Variants in CNTN5 observed in about 807,000 individuals in gnomAD.
CNTN5 encodes contactin 5.
In CNTN5, 77 loss-of-function variants were observed where a neutral mutation model predicts 129.1. That is an observed-to-expected ratio of 0.60 (90% CI 0.50 to 0.72). The LOEUF (loss-of-function observed/expected upper bound fraction) is 0.72. CNTN5 is among the 30% of genes least tolerant of loss of function. CNTN5 has a pLI of 0.00. For missense variants in CNTN5, 1,478 were observed against 1,328.8 expected (o/e 1.11, Z -1.75); for synonymous variants, 509 against 465.6 (o/e 1.09, Z -1.20).
intron 13 of CNTN5, among the ~76,000 whole-genome samples, chr11:100,168,450 G>T (rs1177407982): frequency 1.3e-5 from 2 of 151,928 alleles, no homozygotes; most frequent in Non-Finnish European, 2.9e-5. Context: ...GGGCTCTTGA[G>T]AATTATGCTA....
intron 13 of CNTN5, among the ~76,000 whole-genome samples, chr11:100,175,326 G>C (rs1222744737): frequency 2.0e-5 from 3 of 152,016 alleles, no homozygotes; most frequent in African/African-American, 4.8e-5. Context: ...CTAGGTCTTT[G>C]TAAGTGTTAA....
At chr11:99,254,168 TG>T (rs1186089858) in intron 1 of CNTN5, among the ~76,000 whole-genome samples, 3 of 151,830 alleles carry the variant, frequency 2.0e-5, no homozygotes, top group Non-Finnish European at 2.9e-5. Flanking sequence ...TATGGTGGAC[TG>T]GGGTGGTTGA....
At chr11:99,503,078 T>A (rs1946485512) in intron 2 of CNTN5, among the ~76,000 whole-genome samples, 1 of 152,216 alleles carries the variant, frequency 6.6e-6, no homozygotes, top group Non-Finnish European at 1.5e-5. Context: ...TTTATAGCAC[T>A]TTTAAGTCCT....
At chr11:99,264,959 A>G (rs1003469213) in intron 1 of CNTN5, among the ~76,000 whole-genome samples, 8 of 152,038 alleles carry the variant, frequency 5.3e-5, no homozygotes, top group African/African-American at 1.9e-4. Context: ...TGTACTGAAG[A>G]TCCTTAGATA....
chr11:100,308,620 G>T, intron 21 of CNTN5, 152 bp downstream of exon 21: 1 of 1,379,464 alleles, frequency 7.2e-7, no homozygotes. Flanking sequence ...ATTTTACTGG[G>T]ATGTGTTATG....
intron 3 of CNTN5, among the ~76,000 whole-genome samples, chr11:99,625,484 T>A (rs937832434): frequency 6.6e-6 from 1 of 152,160 alleles, no homozygotes; most frequent in Admixed American, 6.5e-5. Context: ...TTTAAATGTA[T>A]ATTCTGTGAG....
chr11:99,944,502 G>T (rs746806272), intron 7 of CNTN5, among the ~76,000 whole-genome samples: 3 of 152,086 alleles, frequency 2.0e-5, no homozygotes, highest in African/African-American at 4.8e-5. Flanking sequence ...AGTATTGGAA[G>T]TTCTGGCCAG....
At chr11:99,178,060 G>A (rs767725785) in intron 1 of CNTN5, among the ~76,000 whole-genome samples, 6 of 151,922 alleles carry the variant, frequency 3.9e-5, no homozygotes, top group East Asian at 1.9e-4. Context: ...AAACACTATC[G>A]ATTATGTAAC....
At chr11:99,778,423 G>C (rs920958738) in intron 3 of CNTN5, among the ~76,000 whole-genome samples, 1 of 151,786 alleles carries the variant, frequency 6.6e-6, no homozygotes, top group Non-Finnish European at 1.5e-5. Context: ...TATCTAACAG[G>C]ATTTTCTTAA....
At chr11:99,843,720 G>T (rs954066751) in intron 4 of CNTN5, among the ~76,000 whole-genome samples, 5 of 152,084 alleles carry the variant, frequency 3.3e-5, no homozygotes, top group African/African-American at 1.2e-4. Context: ...GGCCACGGAT[G>T]CTGCTAACCA....
chr11:99,925,068 G>A (rs12420505), intron 7 of CNTN5, among the ~76,000 whole-genome samples: 46,007 of 152,016 alleles, frequency 0.3, 8,224 homozygotes, highest in South Asian at 0.4. Flanking sequence ...CCCATAAAGT[G>A]CAAAACCATA....
chr11:99,181,069 A>G (rs958985571), intron 1 of CNTN5, among the ~76,000 whole-genome samples: 1 of 152,146 alleles, frequency 6.6e-6, no homozygotes, highest in Non-Finnish European at 1.5e-5. Flanking sequence ...GCAGGATTGT[A>G]CCGGTGGCAG....
chr11:100,038,921 C>T (rs1326060471), intron 9 of CNTN5, among the ~76,000 whole-genome samples: 2 of 152,092 alleles, frequency 1.3e-5, no homozygotes, highest in African/African-American at 2.4e-5. Context: ...ACTCTTTATC[C>T]AATTTGCCAG....
intron 1 of CNTN5, among the ~76,000 whole-genome samples, chr11:99,192,154 CAAA>C (rs1858676851): frequency 1.3e-5 from 2 of 148,724 alleles, no homozygotes; most frequent in Non-Finnish European, 3.0e-5. Context: ...TTATGACTAA[CAAA>C]AGAAAGAAGA....
intron 2 of CNTN5, among the ~76,000 whole-genome samples, chr11:99,481,688 C>G (rs1483205594): frequency 6.6e-6 from 1 of 152,144 alleles, no homozygotes; most frequent in East Asian, 1.9e-4. Context: ...ATTTCCTTCT[C>G]TAAGTGTTGA....
chr11:99,769,534 G>A (rs1162482984), intron 3 of CNTN5, among the ~76,000 whole-genome samples: 1 of 151,926 alleles, frequency 6.6e-6, no homozygotes, highest in African/African-American at 2.4e-5. Flanking sequence ...TTCAGTATAT[G>A]TACTTATTTG....
At chr11:99,239,936 CAA>C (rs386374626) in intron 1 of CNTN5, among the ~76,000 whole-genome samples, 43 of 105,190 alleles carry the variant, frequency 4.1e-4, no homozygotes, top group East Asian at 6.5e-4. Context: ...GACTCCGTCT[CAA>C]AAAAAAAAAA....
At chr11:99,456,204 A>G (rs757365832) in intron 2 of CNTN5, among the ~76,000 whole-genome samples, 3 of 152,148 alleles carry the variant, frequency 2.0e-5, no homozygotes, top group Non-Finnish European at 4.4e-5. Flanking sequence ...CTAAAACTGA[A>G]AGGAAAATAA....
chr11:100,207,842 A>G (rs1372018756), intron 15 of CNTN5, among the ~76,000 whole-genome samples: 1 of 152,166 alleles, frequency 6.6e-6, no homozygotes, highest in Non-Finnish European at 1.5e-5. Flanking sequence ...ACCATGTTAA[A>G]CTGCAAACAT....
Sources: allele counts gnomAD v4.1 joint callset (sites outside exome capture counted in the v4.1 genomes callset), GRCh38; gene constraint gnomAD v4.1.1; transcripts MANE v1.5; gene names NCBI Gene and HGNC (gene_info 2026-07-23, HGNC 2026-07-21).